EFCAB6: variants seen among roughly 807,000 people sequenced by gnomAD.
The protein encoded by EFCAB6 is EF-hand calcium-binding domain-containing protein 6.
Under a neutral mutation model 169.8 loss-of-function variants are expected in EFCAB6, and 156 were observed. The ratio of observed to expected loss-of-function variants is 0.92; its 90% CI spans 0.81 to 1.05. The LOEUF (loss-of-function observed/expected upper bound fraction) is 1.05, where lower values mean the gene tolerates loss of function less well. Ranked by LOEUF, EFCAB6 falls within the 50% of genes least tolerant of loss-of-function variation. The pLI, the probability that EFCAB6 is intolerant of heterozygous loss-of-function variation, is 0.00. For missense variants in EFCAB6, 1,800 were observed against 1,829.1 expected, an observed-to-expected ratio of 0.98 and a Z score of 0.29; for synonymous variants, 698 against 676.4, an observed-to-expected ratio of 1.03 and a Z score of -0.50.
At chr22:43,624,783 T>C (rs778864970) in intron 20 of EFCAB6, among the ~76,000 whole-genome samples, 2 of 152,214 alleles carry the variant, frequency 1.3e-5, no homozygotes, top group African/African-American at 2.4e-5. Context: ...TGGGACAATG[T>C]CTAGCATATA....
In EFCAB6 at chr22:43,549,497, T is replaced by C. The variant is rs544884646; in HGVS notation, c.3648+5372A>G. Among the ~76,000 whole-genome samples the C allele has an allele frequency of 5.8e-4, 88 of 152,322 alleles. 2 individuals are homozygous for C. In the South Asian group the frequency reaches 0.018, roughly 32 times the overall value. On this transcript the variant is annotated intron_variant, in intron 27 of 31. Coordinates refer to ENST00000262726, the MANE Select transcript of EFCAB6 (RefSeq NM_022785.4). ...GTCACCCAAACTGACAAAATGAAGA[T>C]AGCCTGAATGGCTTTATAATCCTGA... is the stretch of plus-strand genomic sequence containing the variant.
At chr22:43,749,982 G>A (rs779434472) in intron 6 of EFCAB6, among the ~76,000 whole-genome samples, 3 of 152,186 alleles carry the variant, frequency 2.0e-5, no homozygotes, top group Non-Finnish European at 4.4e-5. Context: ...GGATCACTCA[G>A]AGAGTCCGTG....
At chr22:43,564,596 C>A (rs571191676) in intron 26 of EFCAB6, among the ~76,000 whole-genome samples, 1 of 152,124 alleles carries the variant, frequency 6.6e-6, no homozygotes, top group African/African-American at 2.4e-5. Flanking sequence ...AAGCCAGGGG[C>A]GGGAGCAAGC....
At chr22:43,571,735 T>C (rs915869333) in intron 26 of EFCAB6, among the ~76,000 whole-genome samples, 1 of 152,174 alleles carries the variant, frequency 6.6e-6, no homozygotes. Flanking sequence ...CTGCTCCCGA[T>C]GGCAAATAAA....
chr22:43,537,631 G>A lies in EFCAB6; in HGVS notation c.3880-86C>T. On this transcript the variant is annotated intron_variant, in intron 28 of 31. Transcript: ENST00000262726. This position sits in a 1 kb window ranked among gnomAD's most constrained non-coding sequence, Gnocchi z 4.3. ...AATACCTCAATACCTCCAGTTTTGA[G>A]GTTCACAATTTTAGAGGCAGAATTA... 2 of 1,433,340 alleles carry A rather than the reference G, an allele frequency of 1.4e-6. No homozygotes were observed. Among genetic ancestry groups the A allele is most frequent in the South Asian group, 1.5e-5 (1 of 67,472 alleles). The allele number at this position is 1,433,340 out of a possible 1,614,324, so 88.8% of individuals were successfully genotyped here. A position where few individuals can be genotyped will look rare whatever the true frequency, so the allele number is the denominator to read the frequency against.
chr22:43,537,392 C>T lies in EFCAB6; in HGVS notation c.4033G>A (p.Ala1345Thr), dbSNP rs754728224. 9.3e-6 allele frequency: 15 copies of T among 1,613,910 alleles called. No individual in the cohort carries two copies. The highest frequency in any genetic ancestry group is 5.5e-5 in the South Asian group (5 of 91,070). The change falls in exon 29 of 32, where the codon GCC becomes ACC. Residue 1345 changes from alanine (A) to threonine (T), a missense_variant. Physicochemically the swap from Ala to Thr is moderately conservative, Grantham distance 58. Coordinates refer to ENST00000262726, the MANE Select transcript of EFCAB6 (RefSeq NM_022785.4). The surrounding 1 kb of genome is among the most constrained non-coding windows in gnomAD (Gnocchi z 4.3). ...KDVARQGDIN[A>T]SDFLALVEKF... The stretch of plus-strand genomic sequence containing the variant: ...CTGAACGAACCCAGGAAATCGGAGG[C>T]GTTGATGTCCCCCTGTCTGGCCACG...
chr22:43,626,950 T>C (rs1182078934), intron 19 of EFCAB6, among the ~76,000 whole-genome samples: 1 of 152,174 alleles, frequency 6.6e-6, no homozygotes, highest in Non-Finnish European at 1.5e-5. Flanking sequence ...CCACTTTTCT[T>C]TTCCTTCCAC....
At chr22:43,721,921 T>C (rs111470298) in intron 8 of EFCAB6, among the ~76,000 whole-genome samples, 2,889 of 152,240 alleles carry the variant, frequency 0.019, 94 homozygotes, top group African/African-American at 0.066. Context: ...AGAACTTTTC[T>C]GCACAGCAAA....
chr22:43,627,135 C>G (rs977474941), intron 19 of EFCAB6, among the ~76,000 whole-genome samples: 2 of 152,172 alleles, frequency 1.3e-5, no homozygotes. Flanking sequence ...AAGGCCAGGC[C>G]TCTGTTTCGA....
At chr22:43,649,797 A>G (rs2056373337) in intron 17 of EFCAB6, among the ~76,000 whole-genome samples, 1 of 152,214 alleles carries the variant, frequency 6.6e-6, no homozygotes. Context: ...CAAAAATCTG[A>G]GAGAAGGGTG....
intron 21 of EFCAB6, among the ~76,000 whole-genome samples, chr22:43,609,656 C>G (rs28645644): frequency 0.019 from 2,898 of 152,154 alleles, 92 homozygotes; most frequent in African/African-American, 0.067. Flanking sequence ...TGAAGAAGAT[C>G]AAAATAAATG....
chr22:43,799,400 T>C (rs1438672933), intron 2 of EFCAB6, among the ~76,000 whole-genome samples: 6 of 152,016 alleles, frequency 3.9e-5, no homozygotes, highest in South Asian at 2.1e-4. Context: ...TAAAATTTCA[T>C]AGGATTATTC....
intron 22 of EFCAB6, among the ~76,000 whole-genome samples, chr22:43,605,525 C>A (rs2052852613): frequency 6.6e-6 from 1 of 152,108 alleles, no homozygotes. Context: ...TGCCTGTAAT[C>A]CCAGCTACTT....
At position 43,784,702 on chromosome 22, in the gene EFCAB6, C is replaced by CAT. The variant is rs1569488145; in HGVS notation, c.-7-2378_-7-2377insAT. 5.8e-3 allele frequency among the ~76,000 whole-genome samples: 766 copies of CAT among 131,600 alleles called. 15 individuals are homozygous for CAT. The highest frequency in any genetic ancestry group is 0.021 in the African/African-American group (739 of 34,762). The allele number at this position is 131,600 out of a possible 152,430, so 86.3% of individuals were successfully genotyped here. A position where few individuals can be genotyped will look rare whatever the true frequency, so the allele number is the denominator to read the frequency against. ...ACACACACACACACACACACACACA[C>CAT]ACACACACACACACACATATATATA... On this transcript the variant is annotated intron_variant, in intron 2 of 31. Transcript: ENST00000262726.
chr22:43,619,647 C>T (rs144538363), intron 20 of EFCAB6, among the ~76,000 whole-genome samples: 79 of 152,218 alleles, frequency 5.2e-4, no homozygotes, highest in African/African-American at 1.9e-3. Flanking sequence ...AATGGAATGA[C>T]AGAGGAGTCA....
intron 9 of EFCAB6, among the ~76,000 whole-genome samples, chr22:43,713,163 A>G (rs1343484392): frequency 6.6e-6 from 1 of 151,200 alleles, no homozygotes; most frequent in East Asian, 1.9e-4. Context: ...TCATACCACT[A>G]AAAAAAAATT....
At chr22:43,807,005 C>A (rs188747189) in intron 2 of EFCAB6, among the ~76,000 whole-genome samples, 1 of 152,166 alleles carries the variant, frequency 6.6e-6, no homozygotes, top group South Asian at 2.1e-4. Flanking sequence ...TCCTCTAGTC[C>A]TACCTCAATT....
rs370267278 is a variant in EFCAB6 at position 43,599,779 on chromosome 22, C to G, written c.2876+290G>C. Among the ~76,000 whole-genome samples, 46 of 152,154 alleles carry G rather than the reference C, an allele frequency of 3.0e-4. 1 individual carries two copies. In the South Asian group the frequency reaches 9.6e-3, roughly 32 times the overall value. On this transcript the variant is annotated intron_variant, in intron 23 of 31. Coordinates refer to ENST00000262726, the MANE Select transcript of EFCAB6 (RefSeq NM_022785.4). Reference sequence around the variant, plus strand: ...CATTCTATTTGGGCCAAGGGCGTGGCCAGGCGGTATGCCATCCACAACTAA... The same window carrying G: ...CATTCTATTTGGGCCAAGGGCGTGGGCAGGCGGTATGCCATCCACAACTAA...
chr22:43,774,443 T>A lies in EFCAB6; in HGVS notation c.140-1340A>T, dbSNP rs555866790. 1.7e-4 allele frequency among the ~76,000 whole-genome samples: 25 copies of A among 151,282 alleles called. No individual in the cohort carries two copies. The South Asian group carries it at 5.3e-3, about 32-fold the overall frequency. Reference sequence around the variant, plus strand: ...AGCACAGCAGGCTCTGGGGGGCACTTCCACGCCACACAGGGACTGCGCTGC... The same window carrying A: ...AGCACAGCAGGCTCTGGGGGGCACTACCACGCCACACAGGGACTGCGCTGC... On this transcript the variant is annotated intron_variant, in intron 3 of 31. Coordinates refer to ENST00000262726, the MANE Select transcript of EFCAB6 (RefSeq NM_022785.4).
Sources: allele counts gnomAD v4.1 joint callset (sites outside exome capture counted in the v4.1 genomes callset), GRCh38; gene constraint gnomAD v4.1.1; non-coding constraint Gnocchi (gnomAD v3.1); transcripts MANE v1.5; gene names NCBI Gene and HGNC (gene_info 2026-07-23, HGNC 2026-07-21).